The following CREBRF variants were observed in gnomAD, a reference collection of about 807,000 sequenced individuals.
The protein encoded by CREBRF is CREB3 regulatory factor.
In CREBRF, 5 loss-of-function variants were observed where a neutral mutation model predicts 66.1. The observed-to-expected ratio is 0.08, with a 90% CI of 0.04 to 0.16. The LOEUF (loss-of-function observed/expected upper bound fraction) is 0.16, where lower values mean the gene tolerates loss of function less well. Among genes scored for constraint, CREBRF ranks in the 10% least tolerant of loss-of-function variants. The pLI, the probability that CREBRF is intolerant of heterozygous loss-of-function variation, is 1.00. For synonymous variants in CREBRF, 229 were observed against 264.4 expected (o/e 0.87, Z 1.30); for missense variants, 531 against 744.9 (o/e 0.71, Z 3.34).
At chr5:173,068,706 G>T (rs571407699) in intron 1 of CREBRF, among the ~76,000 whole-genome samples, 1 of 152,188 alleles carries the variant, frequency 6.6e-6, no homozygotes, top group South Asian at 2.1e-4. Flanking sequence ...GTTAAGTGTC[G>T]TGTGTTGCCT....
At chr5:173,067,746 C>T (rs11955046) in intron 1 of CREBRF, among the ~76,000 whole-genome samples, 4,484 of 152,236 alleles carry the variant, frequency 0.029, 231 homozygotes, top group African/African-American at 0.1. Context: ...ACCTGTAATC[C>T]CAGCACTTTG....
In CREBRF at chr5:173,062,083, G is replaced by T. The variant is rs560794760; in HGVS notation, c.-192+5604G>T. Among the ~76,000 whole-genome samples, 14 of 152,268 alleles carry T rather than the reference G, an allele frequency of 9.2e-5. 1 individual carries two copies. In the South Asian group the frequency reaches 2.9e-3, roughly 32 times the overall value. On this transcript the variant is annotated intron_variant, in intron 1 of 8. Transcript: ENST00000296953. ...CAGTTTATTAATTTGTAGTGGTAGG[G>T]ATTAATGATGTTTTCCATCTCACAA...
chr5:173,106,853 G>A (rs975813307), intron 4 of CREBRF, among the ~76,000 whole-genome samples: 11 of 151,978 alleles, frequency 7.2e-5, no homozygotes, highest in Non-Finnish European at 1.5e-4. Context: ...GGGTTCAAGC[G>A]ATTCTCCTGC....
At chr5:173,086,342 A>G (rs772286467) in intron 2 of CREBRF, 159 bp from the exon 3 acceptor site, 1 of 687,390 alleles carries the variant, frequency 1.5e-6, no homozygotes, top group Non-Finnish European at 2.5e-6. Flanking sequence ...GTTCAGTGTT[A>G]GCCAAAGCTC....
chr5:173,081,166 AG>A (rs1437419491), intron 2 of CREBRF, among the ~76,000 whole-genome samples: 1 of 152,220 alleles, frequency 6.6e-6, no homozygotes, highest in African/African-American at 2.4e-5. Flanking sequence ...AGTAATTAAG[AG>A]GAAATAGTGA....
rs1758998842 is a variant in CREBRF, at chr5:173,116,712, CAT to C, written c.1681+4336_1681+4337del. Among the ~76,000 whole-genome samples the C allele has an allele frequency of 2.0e-5, 3 of 151,000 alleles. No homozygotes were observed. In the East Asian group the frequency reaches 5.8e-4, roughly 29 times the overall value. On this transcript the variant is annotated intron_variant, in intron 7 of 8. Coordinates refer to ENST00000296953, the MANE Select transcript of CREBRF (RefSeq NM_153607.3). ...ATTTGTGTACAAGTATTTGGGTAGA[CAT>C]ATGTTTTAATTTCTCTTGGTTAAAT...
chr5:173,085,592 T>C, intron 2 of CREBRF: 1 of 553,876 alleles, frequency 1.8e-6, no homozygotes. Flanking sequence ...AATTTTTGTG[T>C]TTTTAGTAGA....
intron 2 of CREBRF, chr5:173,086,134 T>G: frequency 3.8e-6 from 3 of 793,294 alleles, no homozygotes; most frequent in Non-Finnish European, 6.9e-6. Flanking sequence ...GGAAATTTGT[T>G]TGTCGTGTAG....
intron 2 of CREBRF, among the ~76,000 whole-genome samples, chr5:173,084,487 A>G (rs961515233): frequency 6.6e-5 from 10 of 152,276 alleles, no homozygotes; most frequent in African/African-American, 2.4e-4. Context: ...AACTGGTACT[A>G]ATCACTTTTC....
chr5:173,061,505 CTGAT>C (rs937378275), intron 1 of CREBRF, among the ~76,000 whole-genome samples: 1 of 152,154 alleles, frequency 6.6e-6, no homozygotes, highest in Non-Finnish European at 1.5e-5. Flanking sequence ...GAGATGCAGT[CTGAT>C]TGAAAAAACT....
At chr5:173,107,535 C>T (rs1758775514) in intron 4 of CREBRF, among the ~76,000 whole-genome samples, 1 of 152,186 alleles carries the variant, frequency 6.6e-6, no homozygotes, top group Non-Finnish European at 1.5e-5. Flanking sequence ...AAAATATTAA[C>T]TGGAATAGGC....
At chr5:173,123,264 G>C in intron 8 of CREBRF, 62 bp downstream of exon 8, 1 of 1,497,794 alleles carries the variant, frequency 6.7e-7, no homozygotes, top group Non-Finnish European at 8.9e-7. Flanking sequence ...TATGATTTAA[G>C]GGGATATTAA....
intron 7 of CREBRF, among the ~76,000 whole-genome samples, chr5:173,122,569 T>TTTA (rs200659735): frequency 0.11 from 14,059 of 131,926 alleles, 747 homozygotes; most frequent in East Asian, 0.16. Flanking sequence ...TATTATTTCT[T>TTTA]TTATTATTAT....
intron 2 of CREBRF, among the ~76,000 whole-genome samples, chr5:173,081,547 T>C (rs1006292968): frequency 7.2e-5 from 11 of 152,126 alleles, no homozygotes; most frequent in African/African-American, 2.7e-4. Flanking sequence ...GCACAGGGAA[T>C]CAACAATTTG....
At chr5:173,076,285 A>G (rs892602051) in intron 1 of CREBRF, among the ~76,000 whole-genome samples, 3 of 152,100 alleles carry the variant, frequency 2.0e-5, no homozygotes, top group Admixed American at 6.6e-5. Context: ...ATTGATACCT[A>G]CCTCTTAAAG....
At chr5:173,096,536 C>A (rs1489211544) in intron 4 of CREBRF, among the ~76,000 whole-genome samples, 1 of 145,040 alleles carries the variant, frequency 6.9e-6, no homozygotes, top group Non-Finnish European at 1.5e-5. Flanking sequence ...CCCCTCCCCT[C>A]CCCTTCCCTT....
chr5:173,102,195 G>A (rs1396353603), intron 4 of CREBRF, among the ~76,000 whole-genome samples: 2 of 152,166 alleles, frequency 1.3e-5, no homozygotes, highest in Non-Finnish European at 2.9e-5. Flanking sequence ...TGAATTCTTT[G>A]TTAGGAAGTT....
intron 8 of CREBRF, among the ~76,000 whole-genome samples, chr5:173,131,329 C>T (rs1581054620): frequency 1.3e-5 from 2 of 152,214 alleles, no homozygotes; most frequent in Non-Finnish European, 2.9e-5. Flanking sequence ...AGTGCTTCAA[C>T]ATTGATATAA....
At chr5:173,120,550 T>G (rs893378429) in intron 7 of CREBRF, among the ~76,000 whole-genome samples, 2 of 151,370 alleles carry the variant, frequency 1.3e-5, no homozygotes, top group Non-Finnish European at 2.9e-5. Context: ...TGGCTAATTA[T>G]TTTTATTTTT....
Sources: gnomAD v4.1 joint callset for allele counts (sites outside exome capture counted in the v4.1 genomes callset) on GRCh38, gnomAD v4.1.1 for gene constraint, MANE v1.5 for transcripts, NCBI Gene and HGNC (gene_info 2026-07-23, HGNC 2026-07-21) for gene names.